The following RBL2 variants were observed in gnomAD, a reference collection of about 807,000 sequenced individuals.
RBL2 encodes the protein RB transcriptional corepressor like 2, also known as retinoblastoma-like protein 2.
A neutral mutation model predicts 126.0 loss-of-function variants in RBL2; 56 were observed. The ratio of observed to expected loss-of-function variants is 0.44; its 90% confidence interval spans 0.36 to 0.56. The LOEUF is 0.56. Among genes scored for constraint, RBL2 ranks in the 20% least tolerant of loss-of-function variants. RBL2 has a pLI of 0.00. For missense variants in RBL2, 1,229 were observed against 1,398.2 expected (o/e 0.88, Z 1.93); for synonymous variants, 454 against 478.5 (o/e 0.95, Z 0.67).
Position 53,481,803 on chromosome 16 carries a change from A to G in RBL2, c.3217A>G (p.Ile1073Val), listed in dbSNP as rs758976804. Residue 1073 changes from isoleucine to valine, a missense_variant, in exon 21 of 22, where the codon ATT (isoleucine) becomes GTT (valine). Physicochemically the swap from Ile to Val is conservative, Grantham distance 29. Transcript: ENST00000262133. The part of the protein sequence containing the change: ...NETMLSPREK[I>V]FYYFSNSPSK... ...AACAATGCTTTCTCCTCGAGAAAAG[A>G]TTTTCTATTACTTCAGCAACAGTCC... The G allele has an allele frequency of 2.3e-5, 36 of 1,591,184 alleles. 1 individual carries two copies. The South Asian group carries it at 2.3e-4, about 10-fold the overall frequency.
intron 11 of RBL2, among the ~76,000 whole-genome samples, chr16:53,463,921 C>T (rs2058247677): frequency 6.6e-6 from 1 of 151,986 alleles, no homozygotes. Context: ...AACATCTTTC[C>T]CTGTCATTGT....
At chr16:53,487,316 C>G (rs1310776593) in intron 21 of RBL2, among the ~76,000 whole-genome samples, 1 of 152,166 alleles carries the variant, frequency 6.6e-6, no homozygotes, top group Non-Finnish European at 1.5e-5. Flanking sequence ...CCACAGTAAT[C>G]AAGACAGTAG....
chr16:53,435,017 G>T (rs149125319), intron 1 of RBL2, among the ~76,000 whole-genome samples: 2 of 152,176 alleles, frequency 1.3e-5, no homozygotes, highest in East Asian at 3.9e-4. Context: ...AACGCGTCTT[G>T]CCCTAAAGTA....
chr16:53,451,226 C>CCAGG (rs2058111668), intron 4 of RBL2, among the ~76,000 whole-genome samples: 1 of 152,084 alleles, frequency 6.6e-6, no homozygotes, highest in African/African-American at 2.4e-5. Context: ...TTATTAAAGG[C>CCAGG]CAGGCATGGT....
chr16:53,472,655 T>C (rs1960566502), intron 17 of RBL2, among the ~76,000 whole-genome samples: 1 of 152,208 alleles, frequency 6.6e-6, no homozygotes, highest in Admixed American at 6.5e-5. Flanking sequence ...AGATGTATGA[T>C]TTGCAAATAT....
rs762668926 is a variant in RBL2, at chr16:53,480,610, G to C, written c.2925G>C (p.Leu975Phe). Residue 975 changes from leucine (L) to phenylalanine (F), a missense_variant, in exon 20 of 22, where the codon TTG becomes TTC. Coordinates refer to ENST00000262133, the MANE Select transcript of RBL2 (RefSeq NM_005611.4). ...CAGTTATGAGGTCAAGCAGCACCTT[G>C]CCAGTTCCACAGCCCAGCAGTGCTC... The part of the protein sequence containing the change: ...SSPVMRSSST[L>F]PVPQPSSAPP... 7 of 1,613,978 alleles carry C rather than the reference G, an allele frequency of 4.3e-6. No homozygotes were observed. The highest frequency in any genetic ancestry group is 5.9e-6 in the Non-Finnish European group (7 of 1,179,966).
intron 3 of RBL2, chr16:53,443,400 G>A (rs2058034617): frequency 6.6e-6 from 1 of 152,116 alleles, no homozygotes; most frequent in Non-Finnish European, 1.5e-5. Context: ...ACTATTTTAT[G>A]TCAAACTGAG....
At chr16:53,451,630 AAAGG>A in intron 4 of RBL2, 69 bp from the exon 5 acceptor site, 1 of 1,517,840 alleles carries the variant, frequency 6.6e-7, no homozygotes, top group Non-Finnish European at 9.0e-7. Flanking sequence ...CATAATAAGT[AAAGG>A]AAGAAATTTT....
At chr16:53,465,348 A>G in intron 12 of RBL2, 90 bp from the exon 13 acceptor site, 1 of 872,462 alleles carries the variant, frequency 1.1e-6, no homozygotes, top group Non-Finnish European at 1.6e-6. Context: ...TCAAAATAAT[A>G]CTTCAACTTG....
chr16:53,448,478 T>G (rs2058084996), intron 4 of RBL2, among the ~76,000 whole-genome samples: 2 of 150,454 alleles, frequency 1.3e-5, no homozygotes, highest in Admixed American at 1.3e-4. Context: ...ATTTACTTTA[T>G]TTTTTATTTT....
At chr16:53,454,293 C>T in intron 7 of RBL2, 1 of 432,938 alleles carries the variant, frequency 2.3e-6, no homozygotes, top group Non-Finnish European at 4.6e-6. Context: ...CAACCTCTGC[C>T]TCCCAGGTTC....
At chr16:53,453,797 A>C (rs2058139478) in intron 7 of RBL2, 28 bp downstream of exon 7, 2 of 1,522,606 alleles carry the variant, frequency 1.3e-6, no homozygotes, top group African/African-American at 2.8e-5. Context: ...AAATGTTTTA[A>C]TATTTTAAAT....
At chr16:53,472,581 C>T (rs1471663833) in intron 17 of RBL2, among the ~76,000 whole-genome samples, 1 of 152,110 alleles carries the variant, frequency 6.6e-6, no homozygotes, top group Non-Finnish European at 1.5e-5. Context: ...ATCCTTTGCC[C>T]ATTTTAAAAT....
intron 2 of RBL2, among the ~76,000 whole-genome samples, chr16:53,441,439 T>C (rs1470490123): frequency 6.6e-6 from 1 of 152,188 alleles, no homozygotes; most frequent in African/African-American, 2.4e-5. Flanking sequence ...ACAACATGTT[T>C]TGTTATCATG....
At chr16:53,481,507 G>C (rs1197270619) in intron 20 of RBL2, 164 bp from the exon 21 acceptor site, 1 of 629,798 alleles carries the variant, frequency 1.6e-6, no homozygotes, top group Non-Finnish European at 2.6e-6. Flanking sequence ...AGCACTTAAG[G>C]TTTGCTATTA....
chr16:53,473,147 CT>C (rs1195221880), intron 17 of RBL2, among the ~76,000 whole-genome samples: 1 of 151,580 alleles, frequency 6.6e-6, no homozygotes. Context: ...AGTGCTCCTA[CT>C]TTTTTTTTCT....
At chr16:53,469,439 G>C (rs893315036) in intron 14 of RBL2, among the ~76,000 whole-genome samples, 9 of 152,240 alleles carry the variant, frequency 5.9e-5, no homozygotes, top group African/African-American at 2.2e-4. Context: ...TGATAAAACC[G>C]GTGGCGGAAT....
rs11302382 is a variant in RBL2 at position 53,438,843 on chromosome 16, C to CAA, written c.241-145_241-144dup. ...TGGGTGACAGAGCAAGATTCCATCT[C>CAA]AAAAAAAAAAAAAAAAAAAAAAAAA... On this transcript the variant is annotated intron_variant, in intron 1 of 21. Coordinates refer to ENST00000262133, the MANE Select transcript of RBL2 (RefSeq NM_005611.4). Among the ~76,000 whole-genome samples, 41 of 30,536 alleles carry CAA rather than the reference C, an allele frequency of 1.3e-3. 3 individuals are homozygous for CAA. Among genetic ancestry groups the CAA allele is most frequent in the Middle Eastern group, 0.029 (1 of 34 alleles). 20.0% of individuals were successfully genotyped at this position (30,536 alleles called of 152,430 possible).
In RBL2 at chr16:53,462,663, A is replaced by G. The variant is rs755477020; in HGVS notation, c.1560+8A>G. ...GGAGACATGGATTTATCTGTGAGTA[A>G]AATAACCAATGTATTGATCAGCGCA... On this transcript the variant is annotated splice_region_variant and intron_variant, in intron 11 of 21. Transcript: ENST00000262133. The G allele has an allele frequency of 1.4e-6, 2 of 1,475,718 alleles. No homozygotes were observed. The highest frequency in any genetic ancestry group is 1.4e-5 in the African/African-American group (1 of 69,372). The allele number at this position is 1,475,718 out of a possible 1,614,324, so 91.4% of individuals were successfully genotyped here.
Sources: gnomAD v4.1 joint callset for allele counts (sites outside exome capture counted in the v4.1 genomes callset) on GRCh38, gnomAD v4.1.1 for gene constraint, MANE v1.5 for transcripts, NCBI Gene and HGNC (gene_info 2026-07-23, HGNC 2026-07-21) for gene names.